The following FSHR variants were observed in gnomAD, a reference collection of about 807,000 sequenced individuals.
The protein encoded by FSHR is follicle stimulating hormone receptor.
FSHR carries 46 observed loss-of-function variants against 52.1 expected under a neutral mutation model. The observed-to-expected ratio is 0.88, with a 90% CI of 0.70 to 1.13. FSHR has a LOEUF of 1.13. Among genes scored for constraint, FSHR ranks in the 50% most tolerant of loss-of-function variants. The probability of loss-of-function intolerance (pLI) is 0.00; values close to 1 mark genes in which losing one functional copy is unlikely to be tolerated. For synonymous variants in FSHR, 399 were observed against 309.6 expected, an observed-to-expected ratio of 1.29 and a Z score of -3.03; for missense variants, 964 against 834.6, an observed-to-expected ratio of 1.16 and a Z score of -1.91.
intron 1 of FSHR, among the ~76,000 whole-genome samples, chr2:49,090,675 A>T (rs1024689453): frequency 6.6e-6 from 1 of 152,222 alleles, no homozygotes; most frequent in Non-Finnish European, 1.5e-5. Context: ...GTTTGACTAC[A>T]TAAAAAGTTG....
rs759012066 is a variant in FSHR, at chr2:48,968,812, C to T, written c.740G>A (p.Arg247Lys). The change falls in exon 9 of 10, where the codon AGG becomes AAG. Residue 247 changes from arginine to lysine, a missense_variant. Physicochemically the swap from Arg to Lys is conservative, Grantham distance 26. Transcript: ENST00000406846. Reference protein sequence around the residue: ...GLENLKKLRARSTYNLKKLPT... With the variant: ...GLENLKKLRAKSTYNLKKLPT... ...CAGCTTTTTTAAGTTGTAAGTCGAC[C>T]TGGCCCTCAGCTTCTTAAGATTTTC... 1.2e-6 allele frequency: 2 copies of T among 1,613,986 alleles called. No homozygotes were observed. Among genetic ancestry groups the T allele is most frequent in the African/African-American group, 2.7e-5 (2 of 74,920 alleles).
rs1454442356 is a variant in FSHR at position 48,963,855 on chromosome 2, G to A, written c.966C>T (p.Tyr322=). 6.2e-7 allele frequency: 1 copy of A among 1,614,134 alleles called. No homozygotes were observed. Among genetic ancestry groups the A allele is most frequent in the Non-Finnish European group, 8.5e-7 (1 of 1,180,010 alleles). The change falls in exon 10 of 10, where the codon TAC becomes TAT. Residue 322 remains tyrosine (Y), a synonymous_variant. Transcript: ENST00000406846. ...SSLAEDNESS[Y]SRGFDMTYTE... ...TGTACGTCATGTCAAATCCTCTGCT[G>A]TAGCTGGACTCATTGTCTTCTGCCA... is the stretch of plus-strand genomic sequence containing the variant.
At chr2:49,056,467 T>C (rs1669067940) in intron 2 of FSHR, among the ~76,000 whole-genome samples, 1 of 51,918 alleles carries the variant, frequency 1.9e-5, no homozygotes. Context: ...TATATATATA[T>C]ATATATATAT....
chr2:49,121,337 A>G (rs185250673), intron 1 of FSHR, among the ~76,000 whole-genome samples: 7 of 152,122 alleles, frequency 4.6e-5, no homozygotes, highest in Non-Finnish European at 7.4e-5. Context: ...AATAACCTCT[A>G]TTTTCCTTTG....
At chr2:49,099,359 G>C (rs992766580) in intron 1 of FSHR, among the ~76,000 whole-genome samples, 3 of 151,976 alleles carry the variant, frequency 2.0e-5, no homozygotes, top group Admixed American at 6.6e-5. Flanking sequence ...TGCCATGTAA[G>C]ACATGCCTTT....
At chr2:48,997,945 C>G (rs1185805445) in intron 4 of FSHR, among the ~76,000 whole-genome samples, 1 of 152,096 alleles carries the variant, frequency 6.6e-6, no homozygotes, top group Non-Finnish European at 1.5e-5. Context: ...CCCTCGTTCT[C>G]TAATTGCCTT....
chr2:49,020,682 G>A (rs1471225252), intron 2 of FSHR, among the ~76,000 whole-genome samples: 1 of 152,124 alleles, frequency 6.6e-6, no homozygotes, highest in African/African-American at 2.4e-5. Flanking sequence ...CAGGTGTCAG[G>A]CTGGATTTGA....
intron 1 of FSHR, among the ~76,000 whole-genome samples, chr2:49,069,289 T>C (rs1337969987): frequency 1.3e-5 from 2 of 152,134 alleles, no homozygotes; most frequent in Non-Finnish European, 2.9e-5. Flanking sequence ...GCTTAATGTT[T>C]CCACATTTGC....
intron 4 of FSHR, among the ~76,000 whole-genome samples, chr2:49,000,046 G>A (rs917959499): frequency 3.3e-5 from 5 of 152,060 alleles, no homozygotes; most frequent in Admixed American, 2.6e-4. Context: ...TTCTTCTACC[G>A]TGATGTACAT....
At chr2:49,010,490 T>C in intron 4 of FSHR, among the ~76,000 whole-genome samples, 1 of 152,246 alleles carries the variant, frequency 6.6e-6, no homozygotes, top group Non-Finnish European at 1.5e-5. Context: ...TAAAATTCTC[T>C]TTTTTTGTTG....
chr2:49,106,549 A>G (rs1222420160), intron 1 of FSHR, among the ~76,000 whole-genome samples: 1 of 152,198 alleles, frequency 6.6e-6, no homozygotes, highest in Non-Finnish European at 1.5e-5. Flanking sequence ...AGCGAGAAGA[A>G]AGACATATTT....
chr2:49,084,633 G>A (rs147981767), intron 1 of FSHR, among the ~76,000 whole-genome samples: 44,994 of 151,896 alleles, frequency 0.3, 7,007 homozygotes, highest in East Asian at 0.51. Flanking sequence ...GAAGAATTCA[G>A]TAGACGCAAT....
chr2:49,118,464 C>T (rs185319628), intron 1 of FSHR, among the ~76,000 whole-genome samples: 84 of 152,120 alleles, frequency 5.5e-4, no homozygotes, highest in Admixed American at 1.4e-3. Flanking sequence ...GCAGTGGGAC[C>T]GGAGAGGTGT....
At chr2:48,971,899 T>C (rs1178436370) in intron 8 of FSHR, among the ~76,000 whole-genome samples, 2 of 152,338 alleles carry the variant, frequency 1.3e-5, no homozygotes, top group African/African-American at 2.4e-5. Flanking sequence ...CCTCCAACTT[T>C]AGGAGTGCCA....
At chr2:48,972,149 A>G (rs370248468) in intron 8 of FSHR, among the ~76,000 whole-genome samples, 2 of 152,302 alleles carry the variant, frequency 1.3e-5, no homozygotes, top group African/African-American at 4.8e-5. Flanking sequence ...TATTTTCTGA[A>G]AATCTGTTCC....
At chr2:48,993,048 C>T (rs1419253129) in intron 4 of FSHR, among the ~76,000 whole-genome samples, 4 of 152,006 alleles carry the variant, frequency 2.6e-5, no homozygotes, top group African/African-American at 9.7e-5. Flanking sequence ...TTCGTTTCTG[C>T]TCCTTCTCCT....
chr2:48,980,683 A>C (rs550412113), intron 8 of FSHR, among the ~76,000 whole-genome samples: 1 of 152,316 alleles, frequency 6.6e-6, no homozygotes, highest in East Asian at 1.9e-4. Flanking sequence ...ATGTTCAATT[A>C]AACGTATTTA....
intron 2 of FSHR, among the ~76,000 whole-genome samples, chr2:49,044,782 T>C (rs1025532267): frequency 2.6e-5 from 4 of 152,176 alleles, no homozygotes; most frequent in Non-Finnish European, 5.9e-5. Flanking sequence ...CCCTCTGACT[T>C]TTGCCCACCT....
rs145516311 is a variant in FSHR, at chr2:48,988,984, C to A, written c.517G>T (p.Val173Leu). The change falls in exon 6 of 10, where the codon GTG becomes TTG. Residue 173 changes from valine (V) to leucine (L), a missense_variant. Coordinates refer to ENST00000406846, the MANE Select transcript of FSHR (RefSeq NM_000145.4). ...TTTTTCCCCCTTACTTACAGAATCA[C>A]ACTTTCAAAGCTCAGCCCCACGAAA... The part of the protein sequence containing the change: ...NSFVGLSFES[V>L]ILWLNKNGIQ... The A allele has an allele frequency of 1.4e-5, 23 of 1,613,464 alleles. No individual in the cohort carries two copies. The African/African-American group carries it at 2.4e-4, about 17-fold the overall frequency.
Sources: gnomAD v4.1 joint callset for allele counts (sites outside exome capture counted in the v4.1 genomes callset) on GRCh38, gnomAD v4.1.1 for gene constraint, MANE v1.5 for transcripts, NCBI Gene and HGNC (gene_info 2026-07-23, HGNC 2026-07-21) for gene names.